The following EMILIN2 variants were observed in gnomAD, a reference collection of about 807,000 sequenced individuals.
EMILIN2 encodes elastin microfibril interfacer 2.
Under a neutral mutation model 87.1 loss-of-function variants are expected in EMILIN2, and 71 were observed. The ratio of observed to expected loss-of-function variants is 0.82; its 90% confidence interval spans 0.67 to 0.99. The LOEUF (loss-of-function observed/expected upper bound fraction) is 0.99, where lower values mean the gene tolerates loss of function less well. EMILIN2 is among the 50% of genes least tolerant of loss of function. The pLI is 0.00. For synonymous variants in EMILIN2, 581 were observed against 563.4 expected (o/e 1.03, Z -0.44); for missense variants, 1,407 against 1,371.8 (o/e 1.03, Z -0.40).
chr18:2,888,736 G>A (rs1248160319), intron 3 of EMILIN2, among the ~76,000 whole-genome samples: 10 of 150,254 alleles, frequency 6.7e-5, no homozygotes, highest in South Asian at 6.3e-4. Context: ...AAAAAAGAGA[G>A]AGAGAGAGAA....
Position 2,858,597 on chromosome 18 carries a change from A to ATG in EMILIN2, c.257+10667_257+10668insGT, listed in dbSNP as rs1568454350. ...TGTGTGTGTGTGTATATATATATAT[A>ATG]TATATGTGTATATATATATATGTTC... On this transcript the variant is annotated intron_variant, in intron 2 of 7. Transcript: ENST00000254528. 1.3e-4 allele frequency among the ~76,000 whole-genome samples: 14 copies of ATG among 109,748 alleles called. 1 individual carries two copies. Among genetic ancestry groups the ATG allele is most frequent in the East Asian group, 8.4e-4 (3 of 3,590 alleles). The allele number at this position is 109,748 out of a possible 152,430, so 72.0% of individuals were successfully genotyped here.
rs1280070845 is a variant in EMILIN2 at position 2,880,498 on chromosome 18, G to C, written c.258-4466G>C. Among the ~76,000 whole-genome samples the C allele has an allele frequency of 6.6e-6, 1 of 152,200 alleles. No individual in the cohort carries two copies. Among genetic ancestry groups the C allele is most frequent in the East Asian group, 1.9e-4 (1 of 5,198 alleles). On this transcript the variant is annotated intron_variant, in intron 2 of 7. Transcript: ENST00000254528. The surrounding 1 kb of genome is among the most constrained non-coding windows in gnomAD (Gnocchi z 4.1). ...GGTTACAGCCCCAAGGGCCGCCCCC[G>C]CCCATACCCAAGGCACCTGTGGACG... is the stretch of plus-strand genomic sequence containing the variant.
At chr18:2,907,289 T>C (rs1032064559) in intron 5 of EMILIN2, among the ~76,000 whole-genome samples, 7 of 152,178 alleles carry the variant, frequency 4.6e-5, no homozygotes, top group African/African-American at 1.7e-4. Flanking sequence ...TCAGGGACAG[T>C]GCAGTCGTCT....
Position 2,882,586 on chromosome 18 carries a change from A to C in EMILIN2, c.258-2378A>C, listed in dbSNP as rs1236857220. ...ATAGTGAGACCCTATCTCTTAAAAA[A>C]ATTTTTTTAAATTGGCTGGGCACAG... On this transcript the variant is annotated intron_variant, in intron 2 of 7. Transcript: ENST00000254528. Among the ~76,000 whole-genome samples the C allele has an allele frequency of 2.0e-5, 3 of 152,060 alleles. No homozygotes were observed. The South Asian group carries it at 6.2e-4, about 32-fold the overall frequency.
rs776880244 is a variant in EMILIN2 at position 2,891,180 on chromosome 18, C to T, written c.1053C>T (p.Leu351=). 2.5e-6 allele frequency: 4 copies of T among 1,614,088 alleles called. No individual in the cohort carries two copies. In the Admixed American group the frequency reaches 6.7e-5, roughly 27 times the overall value. Residue 351 remains leucine, a synonymous_variant, in exon 4 of 8, where the codon CTC becomes CTT. Coordinates refer to ENST00000254528, the MANE Select transcript of EMILIN2 (RefSeq NM_032048.3). This position sits in a 1 kb window ranked among gnomAD's most constrained non-coding sequence, Gnocchi z 4.6. ...CATGTGAGTACAAGCTCACTGGCCT[C>T]CAGCAGCAGTGTGATGACTATGGGA... is the stretch of plus-strand genomic sequence containing the variant. ...KNSCEYKLTG[L]QQQCDDYGSS...
intron 7 of EMILIN2, among the ~76,000 whole-genome samples, chr18:2,910,859 C>G (rs1224725892): frequency 6.6e-6 from 1 of 152,234 alleles, no homozygotes; most frequent in Non-Finnish European, 1.5e-5. Flanking sequence ...GAAATGAATT[C>G]TCAGTGCCCC....
intron 2 of EMILIN2, among the ~76,000 whole-genome samples, chr18:2,875,635 TG>T (rs2076743844): frequency 6.6e-6 from 1 of 151,512 alleles, no homozygotes; most frequent in African/African-American, 2.4e-5. Flanking sequence ...CCTTGAGTTT[TG>T]TGATGCGTCT....
rs776263519 is a variant in EMILIN2 at position 2,847,790 on chromosome 18, T to G, written c.135-19T>G. 6.2e-7 allele frequency: 1 copy of G among 1,611,116 alleles called. No individual in the cohort carries two copies. Among genetic ancestry groups the G allele is most frequent in the Non-Finnish European group, 8.5e-7 (1 of 1,179,380 alleles). On this transcript the variant is annotated intron_variant, in intron 1 of 7. Transcript: ENST00000254528. This position sits in a 1 kb window ranked among gnomAD's most constrained non-coding sequence, Gnocchi z 4.5. The stretch of plus-strand genomic sequence containing the variant: ...CGGGTTTACCCCGTGCCCCTCTCCC[T>G]CTCTCTCCTGCACCCCAGGAACTGG...
intron 2 of EMILIN2, among the ~76,000 whole-genome samples, chr18:2,865,309 C>T (rs1292412801): frequency 6.6e-6 from 1 of 152,154 alleles, no homozygotes; most frequent in African/African-American, 2.4e-5. Context: ...TTTAGAGTTT[C>T]CAGTTTTTCT....
intron 2 of EMILIN2, among the ~76,000 whole-genome samples, chr18:2,864,241 G>A (rs555118844): frequency 2.1e-3 from 321 of 152,268 alleles, no homozygotes; most frequent in African/African-American, 6.9e-3. Context: ...ATATTGTTAT[G>A]TGTGAATTTC....
intron 4 of EMILIN2, among the ~76,000 whole-genome samples, chr18:2,901,783 G>C (rs979976300): frequency 6.6e-6 from 1 of 152,262 alleles, no homozygotes; most frequent in Non-Finnish European, 1.5e-5. Context: ...TCCAGCCTTT[G>C]TTAGGACTTG....
Position 2,912,919 on chromosome 18 carries a change from AAGC to A in EMILIN2, c.2825-144_2825-142del, listed in dbSNP as rs1158597595. The A allele has an allele frequency of 8.8e-6, 7 of 793,866 alleles. No individual in the cohort carries two copies. In the East Asian group the frequency reaches 1.1e-4, roughly 12 times the overall value. The allele number at this position is 793,866 out of a possible 1,614,324, so 49.2% of individuals were successfully genotyped here. On this transcript the variant is annotated intron_variant, in intron 7 of 7. Transcript: ENST00000254528. The stretch of plus-strand genomic sequence containing the variant: ...GTAGGCTGTAGGGGATGAGCATAAA[AAGC>A]AGCTGAGGCAGGCAGCCAGCTACCA...
chr18:2,877,050 A>G (rs2076752570), intron 2 of EMILIN2, among the ~76,000 whole-genome samples: 1 of 152,252 alleles, frequency 6.6e-6, no homozygotes, highest in Admixed American at 6.5e-5. Flanking sequence ...GATGTGCTTT[A>G]AGCTGCAAGA....
In EMILIN2 at chr18:2,894,877, G is replaced by A. The variant is rs945983661; in HGVS notation, c.2359+2391G>A. On this transcript the variant is annotated intron_variant, in intron 4 of 7. Transcript: ENST00000254528. This position sits in a 1 kb window ranked among gnomAD's most constrained non-coding sequence, Gnocchi z 5.0. ...CACAATGAAAGTGACATGTCAATCA[G>A]TTAAAAGTCAACAGAATGTTTATTG... Among the ~76,000 whole-genome samples the A allele has an allele frequency of 1.3e-5, 2 of 152,172 alleles. No individual in the cohort carries two copies. Among genetic ancestry groups the A allele is most frequent in the African/African-American group, 4.8e-5 (2 of 41,434 alleles).
intron 2 of EMILIN2, among the ~76,000 whole-genome samples, chr18:2,849,589 A>G (rs1281520379): frequency 2.0e-5 from 3 of 152,208 alleles, no homozygotes; most frequent in African/African-American, 7.2e-5. Flanking sequence ...GTGGGAGTGC[A>G]TTTTTGCCAC....
chr18:2,851,190 C>G (rs1363783265), intron 2 of EMILIN2, among the ~76,000 whole-genome samples: 1 of 151,046 alleles, frequency 6.6e-6, no homozygotes, highest in African/African-American at 2.4e-5. Flanking sequence ...GTAATCCCAA[C>G]ATTTTGGGAG....
chr18:2,848,586 C>A lies in EMILIN2; in HGVS notation c.257+655C>A, dbSNP rs1348683178. Among the ~76,000 whole-genome samples, 1 of 132,368 alleles carries A rather than the reference C, an allele frequency of 7.6e-6. No homozygotes were observed. The highest frequency in any genetic ancestry group is 1.6e-5 in the Non-Finnish European group (1 of 63,984). The allele number at this position is 132,368 out of a possible 152,430, so 86.8% of individuals were successfully genotyped here. On this transcript the variant is annotated intron_variant, in intron 2 of 7. Transcript: ENST00000254528. The surrounding 1 kb of genome is among the most constrained non-coding windows in gnomAD (Gnocchi z 4.1). ...TCATCTTTTTGCTTATAAAGATTTC[C>A]CCATCTTAAAAAAAAAAAAAAACAG...
chr18:2,907,152 T>C (rs1032429173), intron 5 of EMILIN2, 67 bp downstream of exon 5: 1 of 1,221,182 alleles, frequency 8.2e-7, no homozygotes, highest in Non-Finnish European at 1.0e-6. Context: ...AGCCTCGGGG[T>C]CTGCTGAGGG....
rs75159164 is a variant in EMILIN2, at chr18:2,903,240, A to G, written c.2360-3543A>G. 4.3e-3 allele frequency among the ~76,000 whole-genome samples: 657 copies of G among 152,246 alleles called. 48 individuals are homozygous for G. In the East Asian group the frequency reaches 0.09, roughly 21 times the overall value. ...TGGGAGGCAGGCCAGCTTCTGAGCCAGGGAGACGGTGTCCAGAGAGGAGGA... is the reference window on the plus strand; with the variant it reads ...TGGGAGGCAGGCCAGCTTCTGAGCCGGGGAGACGGTGTCCAGAGAGGAGGA... On this transcript the variant is annotated intron_variant, in intron 4 of 7. Coordinates refer to ENST00000254528, the MANE Select transcript of EMILIN2 (RefSeq NM_032048.3).
Sources: allele counts gnomAD v4.1 joint callset (sites outside exome capture counted in the v4.1 genomes callset), GRCh38; gene constraint gnomAD v4.1.1; non-coding constraint Gnocchi (gnomAD v3.1); transcripts MANE v1.5; gene names NCBI Gene and HGNC (gene_info 2026-07-23, HGNC 2026-07-21).